WDR17: variants seen among roughly 807,000 people sequenced by gnomAD.
WDR17 encodes WD repeat-containing protein 17.
Under a neutral mutation model 161.7 loss-of-function variants are expected in WDR17, and 143 were observed. The ratio of observed to expected loss-of-function variants is 0.88; its 90% CI spans 0.77 to 1.02. The LOEUF (loss-of-function observed/expected upper bound fraction) is 1.02. WDR17 is among the 50% of genes least tolerant of loss of function. WDR17 has a pLI of 0.00. For missense variants in WDR17, 1,469 were observed against 1,520.9 expected, an observed-to-expected ratio of 0.97 and a Z score of 0.57; for synonymous variants, 517 against 515.6, an observed-to-expected ratio of 1.00 and a Z score of -0.04.
intron 4 of WDR17, among the ~76,000 whole-genome samples, chr4:176,121,293 C>A (rs1178944333): frequency 6.6e-6 from 1 of 152,188 alleles, no homozygotes; most frequent in African/African-American, 2.4e-5. Context: ...GATAGTTAGG[C>A]AATAGAATTC....
intron 7 of WDR17, among the ~76,000 whole-genome samples, chr4:176,132,511 A>T (rs558551697): frequency 6.6e-6 from 1 of 152,166 alleles, no homozygotes; most frequent in African/African-American, 2.4e-5. Flanking sequence ...TCTTAGAAAA[A>T]GAATCTAGAG....
chr4:176,176,586 C>A (rs896872956), intron 26 of WDR17, among the ~76,000 whole-genome samples: 3 of 152,226 alleles, frequency 2.0e-5, no homozygotes, highest in Non-Finnish European at 2.9e-5. Flanking sequence ...ACTCTTCAAA[C>A]TCCTATGTGT....
rs953480679 is a variant in WDR17 at position 176,096,700 on chromosome 4, C to G, written c.-6-14875C>G. The G allele has an allele frequency of 1.9e-5, 14 of 748,920 alleles. No individual in the cohort carries two copies. In the African/African-American group the frequency reaches 2.4e-4, roughly 13 times the overall value. 46.4% of individuals were successfully genotyped at this position (748,920 alleles called of 1,614,324 possible). A position where few individuals can be genotyped will look rare whatever the true frequency, so the allele number is the denominator to read the frequency against. On this transcript the variant is annotated intron_variant, in intron 1 of 28. Coordinates refer to ENST00000508596, the MANE Select transcript of WDR17 (RefSeq NM_181265.4). ...GTGGACATTTTCGCATTGCAAAGTT[C>G]TGAGCGTGAATAAGACACTTATTTG... is the stretch of plus-strand genomic sequence containing the variant.
chr4:176,152,045 T>TAAA, intron 17 of WDR17, 78 bp downstream of exon 17: 1 of 1,443,404 alleles, frequency 6.9e-7, no homozygotes, highest in Non-Finnish European at 9.3e-7. Flanking sequence ...TTTTAAGTAT[T>TAAA]AAAAATAAAA....
intron 11 of WDR17, among the ~76,000 whole-genome samples, chr4:176,145,227 C>A (rs1003660343): frequency 1.3e-5 from 2 of 150,938 alleles, no homozygotes; most frequent in Non-Finnish European, 3.0e-5. Flanking sequence ...CTGGCAGGTC[C>A]GTGATTTCCA....
intron 4 of WDR17, among the ~76,000 whole-genome samples, chr4:176,122,802 G>A (rs1033500298): frequency 6.6e-6 from 1 of 152,136 alleles, no homozygotes; most frequent in Non-Finnish European, 1.5e-5. Context: ...AAATATTCAT[G>A]AGAACTAGCC....
chr4:176,110,962 CT>C (rs1739624881), intron 1 of WDR17, among the ~76,000 whole-genome samples: 1 of 152,170 alleles, frequency 6.6e-6, no homozygotes, highest in African/African-American at 2.4e-5. Flanking sequence ...TTTTCAGCTT[CT>C]TTCTGCCCGA....
At chr4:176,145,889 A>T (rs1470737879) in intron 11 of WDR17, 106 bp from the exon 12 acceptor site, 1 of 1,068,286 alleles carries the variant, frequency 9.4e-7, no homozygotes, top group Non-Finnish European at 1.3e-6. Flanking sequence ...AACTTCACTA[A>T]GGAAGCAAAA....
chr4:176,127,149 C>G (rs1742578713), intron 5 of WDR17, among the ~76,000 whole-genome samples: 1 of 152,058 alleles, frequency 6.6e-6, no homozygotes, highest in African/African-American at 2.4e-5. Flanking sequence ...CTTGAGCATT[C>G]CTGGATTTTG....
chr4:176,165,828 C>T (rs1336628679), intron 22 of WDR17, among the ~76,000 whole-genome samples: 1 of 152,096 alleles, frequency 6.6e-6, no homozygotes, highest in Non-Finnish European at 1.5e-5. Context: ...AAACTTCTTC[C>T]TTGTAACGCC....
rs1297628534 is a variant in WDR17, at chr4:176,181,135, T to C, written c.*1556T>C. 6.6e-6 allele frequency: 1 copy of C among 152,074 alleles called. No homozygotes were observed. Among genetic ancestry groups the C allele is most frequent in the Non-Finnish European group, 1.5e-5 (1 of 68,024 alleles). 9.4% of individuals were successfully genotyped at this position (152,074 alleles called of 1,614,324 possible). On this transcript the variant is annotated 3_prime_UTR_variant, in exon 29 of 29. Transcript: ENST00000508596. ...ATTATGTATCTATGTATCATATTTATCACATGACCACTTTTGATTCCTTAA... is the reference window on the plus strand; with the variant it reads ...ATTATGTATCTATGTATCATATTTACCACATGACCACTTTTGATTCCTTAA...
intron 22 of WDR17, among the ~76,000 whole-genome samples, chr4:176,166,913 C>A (rs886667591): frequency 6.6e-6 from 1 of 152,030 alleles, no homozygotes; most frequent in Non-Finnish European, 1.5e-5. Flanking sequence ...TTTATCAATT[C>A]TCTTTTGACA....
intron 6 of WDR17, among the ~76,000 whole-genome samples, chr4:176,130,537 G>C (rs974782707): frequency 1.3e-5 from 2 of 152,130 alleles, no homozygotes; most frequent in Non-Finnish European, 2.9e-5. Context: ...AAGGTCAGGA[G>C]ATCGAGACCA....
In WDR17 at chr4:176,181,987, TATAA is replaced by T. The variant is rs1301056984; in HGVS notation, c.*2411_*2414del. The T allele has an allele frequency of 1.4e-4, 21 of 152,238 alleles. No individual in the cohort carries two copies. The highest frequency in any genetic ancestry group is 4.3e-4 in the African/African-American group (18 of 41,588). The allele number at this position is 152,238 out of a possible 1,614,324, so 9.4% of individuals were successfully genotyped here. On this transcript the variant is annotated 3_prime_UTR_variant, in exon 29 of 29. Coordinates refer to ENST00000508596, the MANE Select transcript of WDR17 (RefSeq NM_181265.4). ...TATAACTATTAATTTTTCATAGAAT[TATAA>T]ATGTCATTTGACTATGTCAATCTGT...
chr4:176,152,623 G>A (rs1324536802), intron 17 of WDR17, among the ~76,000 whole-genome samples: 8 of 133,484 alleles, frequency 6.0e-5, no homozygotes, highest in African/African-American at 1.4e-4. Context: ...AAAAAAAAAA[G>A]GGAAAGAAAT....
In WDR17 at chr4:176,172,523, A is replaced by G; in HGVS notation, c.3244+7A>G. ...GGTATTAGCTTTGTTAAAGGTAAGT[A>G]ATTAGTTGGTAGTAGAATTTTAAAT... On this transcript the variant is annotated splice_region_variant and intron_variant, in intron 24 of 28. Coordinates refer to ENST00000508596, the MANE Select transcript of WDR17 (RefSeq NM_181265.4). The G allele has an allele frequency of 6.3e-7, 1 of 1,575,700 alleles. No homozygotes were observed. Among genetic ancestry groups the G allele is most frequent in the Non-Finnish European group, 8.6e-7 (1 of 1,167,940 alleles).
chr4:176,147,456 G>A lies in WDR17; in HGVS notation c.1695-677G>A, dbSNP rs182575476. On this transcript the variant is annotated intron_variant, in intron 12 of 28. Coordinates refer to ENST00000508596, the MANE Select transcript of WDR17 (RefSeq NM_181265.4). ...ATTTAAATTTTTTAACTTGATCTAAGATTTATTCTACACTGACCAAGCAAC... is the reference window on the plus strand; with the variant it reads ...ATTTAAATTTTTTAACTTGATCTAAAATTTATTCTACACTGACCAAGCAAC... Among the ~76,000 whole-genome samples the A allele has an allele frequency of 7.2e-5, 11 of 152,186 alleles. No individual in the cohort carries two copies. In the East Asian group the frequency reaches 2.1e-3, roughly 29 times the overall value.
chr4:176,111,421 C>T (rs1739718569), intron 1 of WDR17, 154 bp from the exon 2 acceptor site: 2 of 672,978 alleles, frequency 3.0e-6, no homozygotes, highest in Non-Finnish European at 4.4e-6. Context: ...GGGAGTTCAA[C>T]TGCTGTTCTC....
intron 7 of WDR17, 75 bp from the exon 8 acceptor site, chr4:176,135,033 G>C: frequency 6.9e-7 from 1 of 1,450,426 alleles, no homozygotes; most frequent in Non-Finnish European, 9.5e-7. Context: ...GTCAATTTGA[G>C]TAAACATTGT....
Sources: gnomAD v4.1 joint callset for allele counts (sites outside exome capture counted in the v4.1 genomes callset) on GRCh38, gnomAD v4.1.1 for gene constraint, MANE v1.5 for transcripts, NCBI Gene and HGNC (gene_info 2026-07-23, HGNC 2026-07-21) for gene names.